The following WSCD2 variants were observed in gnomAD, a reference collection of about 807,000 sequenced individuals.
The protein encoded by WSCD2 is WSC domain sialate O sulfotransferase 2.
A neutral mutation model predicts 55.7 loss-of-function variants in WSCD2; 28 were observed. That is an observed-to-expected ratio of 0.50 (90% confidence interval 0.37 to 0.69). The LOEUF (loss-of-function observed/expected upper bound fraction) is 0.69, where lower values mean the gene tolerates loss of function less well. WSCD2 is among the 30% of genes least tolerant of loss of function. The pLI, the probability that WSCD2 is intolerant of heterozygous loss-of-function variation, is 0.00. For missense variants in WSCD2, 616 were observed against 762.1 expected, an observed-to-expected ratio of 0.81 and a Z score of 2.26; for synonymous variants, 301 against 301.9, an observed-to-expected ratio of 1.00 and a Z score of 0.03.
intron 1 of WSCD2, among the ~76,000 whole-genome samples, chr12:108,154,420 C>T (rs1343178545): frequency 1.3e-5 from 2 of 152,176 alleles, no homozygotes; most frequent in Non-Finnish European, 2.9e-5. Context: ...GTTGTCTTCT[C>T]TCCTTCTCCG....
In WSCD2 at chr12:108,129,315, C is replaced by A. The variant is rs947871999; in HGVS notation, c.-1163C>A. On this transcript the variant is annotated 5_prime_UTR_variant, in exon 1 of 9. Coordinates refer to ENST00000547525, the MANE Select transcript of WSCD2 (RefSeq NM_014653.4). ...GGCGCGCTGCTGGTGGCGGCGGCGG[C>A]AGCGGCGCGGGAGCTAGGGCTGGAG... is the stretch of plus-strand genomic sequence containing the variant. 5.9e-5 allele frequency among the ~76,000 whole-genome samples: 9 copies of A among 152,090 alleles called. No individual in the cohort carries two copies. Among genetic ancestry groups the A allele is most frequent in the Non-Finnish European group, 8.8e-5 (6 of 67,976 alleles).
intron 1 of WSCD2, among the ~76,000 whole-genome samples, chr12:108,166,625 A>T (rs1466245398): frequency 6.6e-6 from 1 of 151,988 alleles, no homozygotes; most frequent in Non-Finnish European, 1.5e-5. Flanking sequence ...TACGGAGGTG[A>T]TGATGTGTTG....
chr12:108,232,353 C>T (rs1289972457), intron 6 of WSCD2, among the ~76,000 whole-genome samples: 1 of 152,064 alleles, frequency 6.6e-6, no homozygotes. Context: ...ATGCCATTGA[C>T]GGTTTCGATC....
At chr12:108,189,986 T>G (rs955830041) in intron 1 of WSCD2, among the ~76,000 whole-genome samples, 1 of 152,220 alleles carries the variant, frequency 6.6e-6, no homozygotes, top group African/African-American at 2.4e-5. Context: ...TATTATAAGA[T>G]GTAGCATTTG....
chr12:108,132,488 T>C (rs1398071180), intron 1 of WSCD2, among the ~76,000 whole-genome samples: 1 of 152,106 alleles, frequency 6.6e-6, no homozygotes, highest in Non-Finnish European at 1.5e-5. Flanking sequence ...TCTGATGGAT[T>C]TATGAGTGTG....
intron 1 of WSCD2, among the ~76,000 whole-genome samples, chr12:108,149,355 TCA>T (rs1877726891): frequency 6.6e-6 from 1 of 152,186 alleles, no homozygotes; most frequent in Admixed American, 6.5e-5. Flanking sequence ...TGGAAGCCAA[TCA>T]CAACACTGGC....
intron 1 of WSCD2, among the ~76,000 whole-genome samples, chr12:108,168,476 A>G (rs1382589315): frequency 1.3e-5 from 2 of 152,154 alleles, no homozygotes; most frequent in Non-Finnish European, 2.9e-5. Context: ...ACTGGGTGGG[A>G]TGCTCCTCCA....
intron 1 of WSCD2, among the ~76,000 whole-genome samples, chr12:108,141,706 T>C (rs1437406013): frequency 1.3e-5 from 2 of 152,196 alleles, no homozygotes; most frequent in East Asian, 3.9e-4. Flanking sequence ...ATCTGCAAAG[T>C]TTCTTTTACT....
At chr12:108,228,415 T>C (rs138248535) in intron 6 of WSCD2, among the ~76,000 whole-genome samples, 1 of 152,278 alleles carries the variant, frequency 6.6e-6, no homozygotes, top group East Asian at 1.9e-4. Flanking sequence ...CAGTTATACA[T>C]CTACAAAAGC....
rs752849885 is a variant in WSCD2, at chr12:108,248,223, C to T, written c.1578C>T (p.Leu526=). The T allele has an allele frequency of 4.9e-5, 79 of 1,614,068 alleles. No homozygotes were observed. The highest frequency in any genetic ancestry group is 3.2e-4 in the Admixed American group (19 of 60,008). ...GNFKRSGLRK[L]EYDPYTADMQ... The stretch of plus-strand genomic sequence containing the variant: ...TCAAGCGCTCAGGGCTCCGGAAGCT[C>T]GAGTATGACCCCTATACTGCGGACA... The change falls in exon 9 of 9, where the codon CTC becomes CTT. Residue 526 remains leucine (L), a synonymous_variant. Transcript: ENST00000547525. This position sits in a 1 kb window ranked among gnomAD's most constrained non-coding sequence, Gnocchi z 4.3.
intron 1 of WSCD2, among the ~76,000 whole-genome samples, chr12:108,155,111 C>G (rs1878388715): frequency 6.6e-6 from 1 of 152,138 alleles, no homozygotes; most frequent in Non-Finnish European, 1.5e-5. Context: ...TTTGTGGGGC[C>G]TCAGTTTCCT....
intron 1 of WSCD2, among the ~76,000 whole-genome samples, chr12:108,157,067 T>C (rs1878588348): frequency 6.6e-6 from 1 of 152,166 alleles, no homozygotes; most frequent in Non-Finnish European, 1.5e-5. Flanking sequence ...TTCAACAGAA[T>C]TTGCAAACAG....
chr12:108,162,162 G>A (rs892551758), intron 1 of WSCD2, among the ~76,000 whole-genome samples: 4 of 152,234 alleles, frequency 2.6e-5, no homozygotes, highest in Non-Finnish European at 4.4e-5. Flanking sequence ...GGAAAGGAAG[G>A]ACGGCAGAGG....
intron 4 of WSCD2, among the ~76,000 whole-genome samples, chr12:108,214,452 C>T (rs759602158): frequency 1.3e-5 from 2 of 152,196 alleles, no homozygotes; most frequent in Non-Finnish European, 2.9e-5. Context: ...GCCCTTGTTA[C>T]AAAAGAACTG....
intron 8 of WSCD2, among the ~76,000 whole-genome samples, chr12:108,245,740 CAG>C (rs907494916): frequency 6.6e-6 from 1 of 152,216 alleles, no homozygotes; most frequent in Non-Finnish European, 1.5e-5. Context: ...AAAAGGAAAA[CAG>C]AGCATACAAC....
At chr12:108,143,664 T>C (rs1486511417) in intron 1 of WSCD2, among the ~76,000 whole-genome samples, 1 of 152,112 alleles carries the variant, frequency 6.6e-6, no homozygotes, top group Non-Finnish European at 1.5e-5. Context: ...AGCATGGTGA[T>C]AATATAGGCC....
chr12:108,157,230 C>T (rs1385221446), intron 1 of WSCD2, among the ~76,000 whole-genome samples: 1 of 152,194 alleles, frequency 6.6e-6, no homozygotes, highest in Non-Finnish European at 1.5e-5. Flanking sequence ...AGAGTTCCTC[C>T]ATATACTCTT....
chr12:108,179,097 C>T (rs1413965846), intron 1 of WSCD2, among the ~76,000 whole-genome samples: 3 of 152,054 alleles, frequency 2.0e-5, no homozygotes, highest in Non-Finnish European at 2.9e-5. Flanking sequence ...GTTTTTTTTC[C>T]GGCCTCCTCT....
At position 108,247,987 on chromosome 12, in the gene WSCD2, G is replaced by T; in HGVS notation, c.1346-4G>T. On this transcript the variant is annotated splice_region_variant and splice_polypyrimidine_tract_variant and intron_variant, in intron 8 of 8. Transcript: ENST00000547525. ...TGACTGTGTCCTTTCTCCTCTCTCT[G>T]CAGAGTGGCCAGAGTTCGTGAGGAA... is the stretch of plus-strand genomic sequence containing the variant. 6.2e-7 allele frequency: 1 copy of T among 1,609,726 alleles called. No homozygotes were observed. The highest frequency in any genetic ancestry group is 2.2e-5 in the East Asian group (1 of 44,768).
Sources: gnomAD v4.1 joint callset for allele counts (sites outside exome capture counted in the v4.1 genomes callset) on GRCh38, gnomAD v4.1.1 for gene constraint, Gnocchi (gnomAD v3.1) non-coding constraint, MANE v1.5 for transcripts, NCBI Gene and HGNC (gene_info 2026-07-23, HGNC 2026-07-21) for gene names.